Variants in FBF1 observed in about 807,000 individuals in gnomAD.
The protein encoded by FBF1 is fas-binding factor 1.
In FBF1, 119 loss-of-function variants were observed where a neutral mutation model predicts 147.2. The observed-to-expected ratio is 0.81, with a 90% CI of 0.70 to 0.94. The LOEUF is 0.94. Among genes scored for constraint, FBF1 ranks in the 40% least tolerant of loss-of-function variants. FBF1 has a pLI of 0.00. For synonymous variants in FBF1, 601 were observed against 609.0 expected (o/e 0.99, Z 0.19); for missense variants, 1,449 against 1,500.8 (o/e 0.97, Z 0.57).
At chr17:75,926,216 A>G (rs1022394611) in intron 11 of FBF1, 53 bp from the exon 12 acceptor site, 5 of 1,605,134 alleles carry the variant, frequency 3.1e-6, no homozygotes, top group Non-Finnish European at 4.2e-6. Flanking sequence ...GCTCTCGGGA[A>G]TCCCACAGTA....
Position 75,919,778 on chromosome 17 carries a change from G to A in FBF1, c.2028C>T (p.Cys676=). 1 of 1,613,682 alleles carries A rather than the reference G, an allele frequency of 6.2e-7. No homozygotes were observed. The highest frequency in any genetic ancestry group is 1.1e-5 in the South Asian group (1 of 91,090). The change falls in exon 20 of 30, where the codon TGC becomes TGT. Residue 676 remains cysteine (C), a synonymous_variant. Coordinates refer to ENST00000636174, the MANE Select transcript of FBF1 (RefSeq NM_001319193.2). This position sits in a 1 kb window ranked among gnomAD's most constrained non-coding sequence, Gnocchi z 5.0. Reference sequence around the variant, plus strand: ...CAGCACGGGCCTGTTCGGCCTCCTGGCACTGCGACAGATACCGAGCTGACA... The same window carrying A: ...CAGCACGGGCCTGTTCGGCCTCCTGACACTGCGACAGATACCGAGCTGACA... ...EELSARYLSQ[C]QEAEQARAEL... is the part of the protein sequence containing the mutation.
Position 75,919,811 on chromosome 17 carries a change from G to C in FBF1, c.1995C>G (p.Asn665Lys), listed in dbSNP as rs771147418. ...QQREERLRRE[N>K]EELSARYLSQ... ...ACAGATACCGAGCTGACAGCTCTTC[G>C]TTCTCTCTCCGGAGCCGCTCCTCCC... is the stretch of plus-strand genomic sequence containing the variant. Residue 665 changes from asparagine to lysine, a missense_variant, in exon 20 of 30, where the codon AAC becomes AAG. By Grantham distance (94) the Asn-to-Lys change is moderately conservative. Coordinates refer to ENST00000636174, the MANE Select transcript of FBF1 (RefSeq NM_001319193.2). This position sits in a 1 kb window ranked among gnomAD's most constrained non-coding sequence, Gnocchi z 5.0. 3.7e-6 allele frequency: 6 copies of C among 1,613,756 alleles called. No individual in the cohort carries two copies. Among genetic ancestry groups the C allele is most frequent in the Non-Finnish European group, 5.1e-6 (6 of 1,179,880 alleles).
At chr17:75,920,159 C>T in intron 18 of FBF1, 52 bp from the exon 19 acceptor site, 1 of 1,583,536 alleles carries the variant, frequency 6.3e-7, no homozygotes, top group South Asian at 1.1e-5. Context: ...GGCTGTACTC[C>T]ACGCTGCCCT....
chr17:75,923,723 G>A lies in FBF1; in HGVS notation c.969-82C>T, dbSNP rs529816575. 30 of 1,338,332 alleles carry A rather than the reference G, an allele frequency of 2.2e-5. No individual in the cohort carries two copies. Among genetic ancestry groups the A allele is most frequent in the Middle Eastern group, 2.2e-4 (1 of 4,634 alleles). The allele number at this position is 1,338,332 out of a possible 1,614,324, so 82.9% of individuals were successfully genotyped here. A position where few individuals can be genotyped will look rare whatever the true frequency, so the allele number is the denominator to read the frequency against. On this transcript the variant is annotated intron_variant, in intron 13 of 29. Coordinates refer to ENST00000636174, the MANE Select transcript of FBF1 (RefSeq NM_001319193.2). The surrounding 1 kb of genome is among the most constrained non-coding windows in gnomAD (Gnocchi z 4.1). ...CTAGCAGCCTGCAGCTGGGCGTCAC[G>A]ATGCCCAGGGACCCTGCACAGTCAG...
intron 2 of FBF1, 88 bp from the exon 3 acceptor site, chr17:75,937,681 T>C: frequency 7.1e-7 from 1 of 1,411,064 alleles, no homozygotes. Context: ...GCGTTGCCTT[T>C]TGCCAAGTAA....
chr17:75,934,603 C>A (rs986940939), intron 4 of FBF1, among the ~76,000 whole-genome samples: 1 of 148,174 alleles, frequency 6.7e-6, no homozygotes, highest in African/African-American at 2.5e-5. Flanking sequence ...GCTGGCCGGG[C>A]GCGGTGGCTC....
intron 1 of FBF1, among the ~76,000 whole-genome samples, chr17:75,938,815 G>A (rs982491041): frequency 6.6e-6 from 1 of 150,394 alleles, no homozygotes; most frequent in Non-Finnish European, 1.5e-5. Context: ...GCAGTGAGCT[G>A]AGATCATGCT....
In FBF1 at chr17:75,941,002, G is replaced by T. The variant is rs1232395285; in HGVS notation, c.-238C>A. The stretch of plus-strand genomic sequence containing the variant: ...CGGGTCGCCCAGCCCGGCCAGGACT[G>T]GCCTCCCGCTTCCAGCCGCTGCCGG... On this transcript the variant is annotated 5_prime_UTR_variant, in exon 1 of 30. Transcript: ENST00000636174. 6.6e-6 allele frequency: 1 copy of T among 152,252 alleles called. No individual in the cohort carries two copies. The highest frequency in any genetic ancestry group is 2.4e-5 in the African/African-American group (1 of 41,468). The allele number at this position is 152,252 out of a possible 1,614,324, so 9.4% of individuals were successfully genotyped here.
intron 4 of FBF1, among the ~76,000 whole-genome samples, chr17:75,934,633 CT>C (rs1483308124): frequency 6.6e-6 from 1 of 150,878 alleles, no homozygotes; most frequent in African/African-American, 2.4e-5. Flanking sequence ...AATCCCAGCA[CT>C]TTGGGAGGCC....
rs184828480 is a variant in FBF1, at chr17:75,919,189, G to C, written c.2138+479C>G. Among the ~76,000 whole-genome samples, 1 of 152,334 alleles carries C rather than the reference G, an allele frequency of 6.6e-6. No homozygotes were observed. The highest frequency in any genetic ancestry group is 1.5e-5 in the Non-Finnish European group (1 of 68,034). On this transcript the variant is annotated intron_variant, in intron 20 of 29. Transcript: ENST00000636174. This position sits in a 1 kb window ranked among gnomAD's most constrained non-coding sequence, Gnocchi z 5.0. ...CCCAAAGTGCTGGGATTACAGGTGT[G>C]AGCCACTGCACCCGGCCCTGAGCAG...
intron 28 of FBF1, 127 bp from the exon 29 acceptor site, chr17:75,912,434 T>C: frequency 1.6e-6 from 1 of 629,014 alleles, no homozygotes. Context: ...CAGGGTGCAA[T>C]GGCACTAACT....
chr17:75,921,125 T>G, intron 17 of FBF1, 119 bp downstream of exon 17: 5 of 1,038,096 alleles, frequency 4.8e-6, no homozygotes, highest in Middle Eastern at 2.1e-4. Flanking sequence ...TGACGTCACA[T>G]TTGGTATGTT....
In FBF1 at chr17:75,925,896, T is replaced by C. The variant is rs984858927; in HGVS notation, c.868+134A>G. 2.5e-5 allele frequency: 32 copies of C among 1,263,510 alleles called. No homozygotes were observed. The African/African-American group carries it at 3.2e-4, about 13-fold the overall frequency. 78.3% of individuals were successfully genotyped at this position (1,263,510 alleles called of 1,614,324 possible). ...TATTATTTCACGGTAAGTATTATTT[T>C]GTCTCAGCTATAGACGTGTATAATC... On this transcript the variant is annotated intron_variant, in intron 12 of 29. Transcript: ENST00000636174. The surrounding 1 kb of genome is among the most constrained non-coding windows in gnomAD (Gnocchi z 5.0).
Position 75,928,031 on chromosome 17 carries a change from G to C in FBF1, c.397+45C>G, listed in dbSNP as rs748647009. On this transcript the variant is annotated intron_variant, in intron 8 of 29. Coordinates refer to ENST00000636174, the MANE Select transcript of FBF1 (RefSeq NM_001319193.2). This position sits in a 1 kb window ranked among gnomAD's most constrained non-coding sequence, Gnocchi z 4.2. ...TCCTCAAAGTCTCCCTAGCAGATGC[G>C]AGGAGCCGTCTCCCATGCACCTTTC... 1 of 1,492,332 alleles carries C rather than the reference G, an allele frequency of 6.7e-7. No homozygotes were observed. Among genetic ancestry groups the C allele is most frequent in the Non-Finnish European group, 9.3e-7 (1 of 1,075,186 alleles). 92.4% of individuals were successfully genotyped at this position (1,492,332 alleles called of 1,614,324 possible). A position where few individuals can be genotyped will look rare whatever the true frequency, so the allele number is the denominator to read the frequency against.
At chr17:75,917,690 C>G in intron 23 of FBF1, 42 bp downstream of exon 23, 1 of 1,520,168 alleles carries the variant, frequency 6.6e-7, no homozygotes, top group Non-Finnish European at 8.9e-7. Flanking sequence ...AGAAGAGGCC[C>G]CGTGGCAGGA....
intron 4 of FBF1, among the ~76,000 whole-genome samples, chr17:75,933,317 A>ACCCAAC (rs1696769168): frequency 6.6e-6 from 1 of 152,130 alleles, no homozygotes; most frequent in African/African-American, 2.4e-5. Context: ...GAAGAGCCCA[A>ACCCAAC]CCCAACCCAA....
At chr17:75,913,307 C>G (rs2065466641) in intron 28 of FBF1, among the ~76,000 whole-genome samples, 1 of 151,800 alleles carries the variant, frequency 6.6e-6, no homozygotes, top group Non-Finnish European at 1.5e-5. Flanking sequence ...TGCCACCACA[C>G]CCGGCTAATT....
intron 3 of FBF1, 56 bp downstream of exon 3, chr17:75,937,510 A>G (rs532173499): frequency 2.3e-5 from 36 of 1,595,942 alleles, no homozygotes; most frequent in Non-Finnish European, 3.0e-5. Flanking sequence ...TTCCAGGACC[A>G]AAGGGGAAAA....
At chr17:75,920,830 TGGG>T (rs34022293) in intron 17 of FBF1, among the ~76,000 whole-genome samples, 33,868 of 120,536 alleles carry the variant, frequency 0.28, 4,397 homozygotes, top group African/African-American at 0.32. Flanking sequence ...GACACACTCC[TGGG>T]GGGGGGGGGG....
Sources: gnomAD v4.1 joint callset for allele counts (sites outside exome capture counted in the v4.1 genomes callset) on GRCh38, gnomAD v4.1.1 for gene constraint, Gnocchi (gnomAD v3.1) non-coding constraint, MANE v1.5 for transcripts, NCBI Gene and HGNC (gene_info 2026-07-23, HGNC 2026-07-21) for gene names.